BNIP1: variants seen among roughly 807,000 people sequenced by gnomAD.
BNIP1 encodes the protein vesicle transport protein SEC20.
A neutral mutation model predicts 28.5 loss-of-function variants in BNIP1; 25 were observed. That is an observed-to-expected ratio of 0.88 (90% confidence interval 0.64 to 1.23). BNIP1 has a LOEUF of 1.23. Among genes scored for constraint, BNIP1 ranks in the 50% most tolerant of loss-of-function variants. The pLI, the probability that BNIP1 is intolerant of heterozygous loss-of-function variation, is 0.00. For synonymous variants in BNIP1, 118 were observed against 101.7 expected (o/e 1.16, Z -0.96); for missense variants, 276 against 277.0 (o/e 1.00, Z 0.02).
At chr5:173,161,012 C>T (rs1356184920) in intron 5 of BNIP1, 2 of 360,470 alleles carry the variant, frequency 5.5e-6, no homozygotes, top group East Asian at 7.3e-5. Flanking sequence ...AAATTGCACA[C>T]GTGGACAAAA....
intron 2 of BNIP1, among the ~76,000 whole-genome samples, chr5:173,152,015 C>T (rs1372084972): frequency 6.6e-6 from 1 of 152,166 alleles, no homozygotes; most frequent in Non-Finnish European, 1.5e-5. Context: ...GCCTCATATC[C>T]TCAAAACTGG....
intron 1 of BNIP1, among the ~76,000 whole-genome samples, chr5:173,145,190 G>A (rs1390174981): frequency 2.0e-5 from 3 of 152,280 alleles, no homozygotes; most frequent in African/African-American, 7.2e-5. Flanking sequence ...TGGGTCAGTG[G>A]CAAAACTGGG....
intron 5 of BNIP1, chr5:173,161,878 G>A (rs1760374104): frequency 6.6e-6 from 1 of 152,124 alleles, no homozygotes; most frequent in Non-Finnish European, 1.5e-5. Flanking sequence ...TAAAAAGAAA[G>A]GCCTATTAGA....
Position 173,159,450 on chromosome 5 carries a change from T to G in BNIP1, c.372-483T>G, listed in dbSNP as rs530783340. ...GTACCATACATAAAATTTCATATTC[T>G]GCTGTTTCAGCACAAAAGTTGTTCA... On this transcript the variant is annotated intron_variant, in intron 4 of 5. Transcript: ENST00000351486. Among the ~76,000 whole-genome samples the G allele has an allele frequency of 4.6e-5, 7 of 151,154 alleles. No individual in the cohort carries two copies. The South Asian group carries it at 1.5e-3, about 32-fold the overall frequency.
intron 1 of BNIP1, among the ~76,000 whole-genome samples, chr5:173,146,048 G>A (rs1759826490): frequency 1.3e-5 from 2 of 152,158 alleles, no homozygotes; most frequent in Admixed American, 6.5e-5. Context: ...AATTGCTTAG[G>A]CATTCTTCTG....
chr5:173,149,676 C>T (rs1190562532), intron 2 of BNIP1, among the ~76,000 whole-genome samples: 1 of 152,074 alleles, frequency 6.6e-6, no homozygotes, highest in African/African-American at 2.4e-5. Flanking sequence ...TAAGGTTCTG[C>T]AGGCTGTATG....
intron 3 of BNIP1, 95 bp downstream of exon 3, chr5:173,154,508 G>A (rs1760123247): frequency 1.0e-6 from 1 of 976,790 alleles, no homozygotes; most frequent in Admixed American, 2.8e-5. Context: ...CTGCTTTAAT[G>A]CTGACTTAAT....
In BNIP1 at chr5:173,144,536, C is replaced by A. The variant is rs201515233; in HGVS notation, c.-10C>A. On this transcript the variant is annotated 5_prime_UTR_variant, in exon 1 of 6. Transcript: ENST00000351486. ...GGGTCCTGCCGCTGCCCGTAGCCGG[C>A]GTCCCCAACATGGCGGCTCCCCAAG... The A allele has an allele frequency of 6.2e-7, 1 of 1,613,878 alleles. No individual in the cohort carries two copies. The highest frequency in any genetic ancestry group is 8.5e-7 in the Non-Finnish European group (1 of 1,179,836).
At chr5:173,153,568 G>A (rs1411965548) in intron 2 of BNIP1, among the ~76,000 whole-genome samples, 9 of 152,152 alleles carry the variant, frequency 5.9e-5, no homozygotes, top group African/African-American at 2.2e-4. Flanking sequence ...GGAGTTTCAC[G>A]AACCACTCAG....
intron 2 of BNIP1, among the ~76,000 whole-genome samples, chr5:173,152,186 A>G (rs970854550): frequency 6.6e-6 from 1 of 152,122 alleles, no homozygotes; most frequent in African/African-American, 2.4e-5. Flanking sequence ...CTTCCAGGCA[A>G]TCTTTCATGA....
At chr5:173,156,530 A>G (rs972912831) in intron 3 of BNIP1, among the ~76,000 whole-genome samples, 2 of 151,898 alleles carry the variant, frequency 1.3e-5, no homozygotes, top group African/African-American at 4.8e-5. Context: ...TGTAGTCTCA[A>G]CTACTTGGGA....
chr5:173,148,083 AATATATATATAT>A lies in BNIP1; in HGVS notation c.177+1168_177+1179del, dbSNP rs70984952. Among the ~76,000 whole-genome samples, 198 of 40,146 alleles carry A rather than the reference AATATATATATAT, an allele frequency of 4.9e-3. 3 individuals carry two copies. The highest frequency in any genetic ancestry group is 0.013 in the South Asian group (8 of 620). 26.3% of individuals were successfully genotyped at this position (40,146 alleles called of 152,430 possible). A position where few individuals can be genotyped will look rare whatever the true frequency, so the allele number is the denominator to read the frequency against. On this transcript the variant is annotated intron_variant, in intron 2 of 5. Coordinates refer to ENST00000351486, the MANE Select transcript of BNIP1 (RefSeq NM_001205.3). ...GTGTCAAAAAAAAAAAAAAAAAAAA[AATATATATATAT>A]ATATATATATATATATATATATATA...
intron 2 of BNIP1, among the ~76,000 whole-genome samples, chr5:173,148,340 A>G (rs920199679): frequency 6.6e-6 from 1 of 151,586 alleles, no homozygotes; most frequent in African/African-American, 2.4e-5. Context: ...GAGGATGAAG[A>G]CCACTTGTGG....
chr5:173,149,879 C>G (rs1759966314), intron 2 of BNIP1, among the ~76,000 whole-genome samples: 1 of 152,192 alleles, frequency 6.6e-6, no homozygotes, highest in South Asian at 2.1e-4. Flanking sequence ...CACCTCCCAC[C>G]AGGCCCCACC....
chr5:173,149,842 A>G (rs1238224309), intron 2 of BNIP1, among the ~76,000 whole-genome samples: 1 of 152,152 alleles, frequency 6.6e-6, no homozygotes, highest in Admixed American at 6.5e-5. Context: ...TATGCCATTC[A>G]TTAGGGATCC....
intron 2 of BNIP1, among the ~76,000 whole-genome samples, chr5:173,153,647 G>A (rs957306863): frequency 6.6e-6 from 1 of 151,576 alleles, no homozygotes; most frequent in Non-Finnish European, 1.5e-5. Context: ...TCTCAGGGGA[G>A]TTTTTTTTTA....
At chr5:173,156,864 G>A (rs779957276) in intron 3 of BNIP1, among the ~76,000 whole-genome samples, 3 of 151,520 alleles carry the variant, frequency 2.0e-5, no homozygotes, top group Non-Finnish European at 4.4e-5. Flanking sequence ...TAGCCAGGAC[G>A]GTCTCGATCA....
intron 3 of BNIP1, among the ~76,000 whole-genome samples, chr5:173,156,511 A>T (rs961452631): frequency 6.6e-6 from 1 of 151,590 alleles, no homozygotes; most frequent in African/African-American, 2.4e-5. Context: ...GGGCATGCTG[A>T]TGTGTGCCTG....
At chr5:173,158,441 C>T (rs1358210950) in intron 3 of BNIP1, among the ~76,000 whole-genome samples, 5 of 152,230 alleles carry the variant, frequency 3.3e-5, no homozygotes, top group Non-Finnish European at 1.5e-5. Context: ...TGAAGTCCAG[C>T]CATTGTGGAG....
Sources: allele counts gnomAD v4.1 joint callset (sites outside exome capture counted in the v4.1 genomes callset), GRCh38; gene constraint gnomAD v4.1.1; transcripts MANE v1.5; gene names NCBI Gene and HGNC (gene_info 2026-07-23, HGNC 2026-07-21).